LRRC69: variants seen among roughly 807,000 people sequenced by gnomAD.
The protein encoded by LRRC69 is leucine rich repeat containing 69, also known as leucine-rich repeat-containing protein 69.
In LRRC69, 42 loss-of-function variants were observed where a neutral mutation model predicts 37.8. The observed-to-expected ratio is 1.11, with a 90% CI of 0.87 to 1.44. LRRC69 has a LOEUF of 1.44. Ranked by LOEUF, LRRC69 falls within the 40% of genes most tolerant of loss-of-function variation. The pLI is 0.00. For missense variants in LRRC69, 357 were observed against 401.9 expected, an observed-to-expected ratio of 0.89 and a Z score of 0.96; for synonymous variants, 141 against 143.1, an observed-to-expected ratio of 0.99 and a Z score of 0.11.
At chr8:91,144,787 CTCTG>C (rs1220847126) in intron 5 of LRRC69, among the ~76,000 whole-genome samples, 1 of 152,014 alleles carries the variant, frequency 6.6e-6, no homozygotes, top group African/African-American at 2.4e-5. Context: ...TACTGTCACT[CTCTG>C]TCTGTTACTT....
chr8:91,213,867 A>T (rs1165522998), intron 7 of LRRC69, among the ~76,000 whole-genome samples: 1 of 152,158 alleles, frequency 6.6e-6, no homozygotes, highest in Non-Finnish European at 1.5e-5. Context: ...TGGTTTGTGG[A>T]TAGGAGTGGC....
At chr8:91,206,819 T>A (rs1204765650) in intron 7 of LRRC69, 2 of 1,288,846 alleles carry the variant, frequency 1.6e-6, no homozygotes, top group Admixed American at 4.6e-5. Context: ...ATGACACCAG[T>A]AAGAAATCCA....
intron 6 of LRRC69, among the ~76,000 whole-genome samples, chr8:91,195,653 A>G (rs1809584282): frequency 6.6e-6 from 1 of 152,018 alleles, no homozygotes; most frequent in Non-Finnish European, 1.5e-5. Context: ...TTTATCAGAG[A>G]CTAGGATTGC....
At chr8:91,114,465 A>ATG (rs1813473149) in intron 1 of LRRC69, among the ~76,000 whole-genome samples, 3 of 113,236 alleles carry the variant, frequency 2.6e-5, no homozygotes, top group Non-Finnish European at 6.7e-5. Context: ...GTATATATAT[A>ATG]TGTATGTATG....
chr8:91,152,612 T>C (rs982953601), intron 5 of LRRC69, among the ~76,000 whole-genome samples: 2 of 151,210 alleles, frequency 1.3e-5, no homozygotes, highest in Non-Finnish European at 3.0e-5. Context: ...GCTGTTAGAG[T>C]TCTTTTTTGT....
At chr8:91,208,485 G>C (rs1221054019) in intron 7 of LRRC69, among the ~76,000 whole-genome samples, 1 of 152,160 alleles carries the variant, frequency 6.6e-6, no homozygotes, top group Non-Finnish European at 1.5e-5. Flanking sequence ...GCAAAACAGG[G>C]AGAGTGGCAC....
chr8:91,147,813 A>G lies in LRRC69; in HGVS notation c.651+12074A>G, dbSNP rs1808649595. 1.3e-5 allele frequency among the ~76,000 whole-genome samples: 2 copies of G among 151,690 alleles called. 1 individual carries two copies. The highest frequency in any genetic ancestry group is 4.1e-4 in the South Asian group (2 of 4,824). ...TGCTGTACCTATCAACCCATCACCT[A>G]GGTATTAAAACCTGCCTGCATTAGC... On this transcript the variant is annotated intron_variant, in intron 5 of 7. Coordinates refer to ENST00000448384, the Ensembl canonical transcript of LRRC69.
At chr8:91,106,672 A>G (rs1407721471) in intron 1 of LRRC69, among the ~76,000 whole-genome samples, 2 of 152,032 alleles carry the variant, frequency 1.3e-5, no homozygotes, top group African/African-American at 2.4e-5. Flanking sequence ...TTATTATTCT[A>G]TATATTTAGT....
At chr8:91,163,093 T>G (rs1258658569) in intron 5 of LRRC69, among the ~76,000 whole-genome samples, 1 of 151,390 alleles carries the variant, frequency 6.6e-6, no homozygotes, top group Non-Finnish European at 1.5e-5. Flanking sequence ...CATGGTTGTC[T>G]TTTTTGTATT....
intron 5 of LRRC69, among the ~76,000 whole-genome samples, chr8:91,140,212 A>C (rs991270949): frequency 9.9e-5 from 15 of 152,018 alleles, no homozygotes; most frequent in African/African-American, 3.6e-4. Context: ...GATCTGATCT[A>C]TCTATCATTG....
chr8:91,160,431 T>C (rs977386446), intron 5 of LRRC69, among the ~76,000 whole-genome samples: 1 of 151,136 alleles, frequency 6.6e-6, no homozygotes, highest in Non-Finnish European at 1.5e-5. Flanking sequence ...AGTACTGACA[T>C]GGTTTGGCTC....
chr8:91,142,729 G>A (rs1159170546), intron 5 of LRRC69, among the ~76,000 whole-genome samples: 1 of 152,012 alleles, frequency 6.6e-6, no homozygotes, highest in African/African-American at 2.4e-5. Context: ...CTAAATGATG[G>A]AACAGTGGCA....
intron 5 of LRRC69, among the ~76,000 whole-genome samples, chr8:91,149,855 T>C (rs1808697238): frequency 6.6e-6 from 1 of 152,056 alleles, no homozygotes; most frequent in South Asian, 2.1e-4. Flanking sequence ...CAGTTGTCAA[T>C]GGGAGTTCAC....
exon 8 of LRRC69, chr8:91,218,896 A>C (rs1219976032): frequency 2.6e-6 from 4 of 1,543,684 alleles, no homozygotes; most frequent in Admixed American, 3.9e-5. Flanking sequence ...TTAGGACTGG[A>C]AGATAAGCAA....
intron 3 of LRRC69, among the ~76,000 whole-genome samples, chr8:91,129,060 G>A: frequency 6.6e-6 from 1 of 151,974 alleles, no homozygotes; most frequent in African/African-American, 2.4e-5. Context: ...AAGGAGTTTT[G>A]TTTTTGGCTC....
At chr8:91,205,962 A>C (rs1026345435) in intron 7 of LRRC69, among the ~76,000 whole-genome samples, 8 of 152,210 alleles carry the variant, frequency 5.3e-5, no homozygotes, top group African/African-American at 1.9e-4. Context: ...TTATATCAGA[A>C]AGCTTTGAAG....
chr8:91,205,128 G>GA (rs1563625165), intron 7 of LRRC69, among the ~76,000 whole-genome samples: 1 of 152,024 alleles, frequency 6.6e-6, no homozygotes, highest in African/African-American at 2.4e-5. Flanking sequence ...AAAAATAGAA[G>GA]AATAGATTCG....
chr8:91,182,498 A>G (rs1809342151), intron 5 of LRRC69, among the ~76,000 whole-genome samples: 1 of 152,228 alleles, frequency 6.6e-6, no homozygotes, highest in South Asian at 2.1e-4. Flanking sequence ...AACAGGTAAT[A>G]CTAATTATTT....
At chr8:91,217,053 G>T (rs10093786) in intron 7 of LRRC69, among the ~76,000 whole-genome samples, 103,290 of 151,900 alleles carry the variant, frequency 0.68, 35,486 homozygotes, top group Middle Eastern at 0.76. Flanking sequence ...GGTGTCTCCT[G>T]TCTCTGCACT....
Sources: allele counts gnomAD v4.1 joint callset (sites outside exome capture counted in the v4.1 genomes callset), GRCh38; gene constraint gnomAD v4.1.1; transcripts MANE v1.5; gene names NCBI Gene and HGNC (gene_info 2026-07-23, HGNC 2026-07-21).